GPM6A: variants seen among roughly 807,000 people sequenced by gnomAD.
GPM6A encodes the protein neuronal membrane glycoprotein M6-a.
In GPM6A, 7 loss-of-function variants were observed where a neutral mutation model predicts 32.1. That is an observed-to-expected ratio of 0.22 (90% CI 0.12 to 0.41). The LOEUF (loss-of-function observed/expected upper bound fraction) is 0.41. GPM6A is among the 10% of genes least tolerant of loss of function. The probability of loss-of-function intolerance (pLI) is 1.00; values close to 1 mark genes in which losing one functional copy is unlikely to be tolerated. For synonymous variants in GPM6A, 130 were observed against 123.4 expected (o/e 1.05, Z -0.35); for missense variants, 235 against 347.2 (o/e 0.68, Z 2.57).
chr4:175,974,589 T>A (rs1404126069), intron 1 of GPM6A, among the ~76,000 whole-genome samples: 1 of 151,840 alleles, frequency 6.6e-6, no homozygotes, highest in Non-Finnish European at 1.5e-5. Flanking sequence ...TCCAAGCTGC[T>A]AGGATAAAAT....
chr4:175,785,901 T>G (rs1733779799), intron 1 of GPM6A, among the ~76,000 whole-genome samples: 1 of 152,094 alleles, frequency 6.6e-6, no homozygotes, highest in Admixed American at 6.6e-5. Context: ...AATGGTTCTT[T>G]CCTTGTGTAG....
chr4:175,773,654 A>T (rs569181586), intron 1 of GPM6A, among the ~76,000 whole-genome samples: 3 of 152,184 alleles, frequency 2.0e-5, no homozygotes, highest in Admixed American at 2.0e-4. Flanking sequence ...AAATAACAGA[A>T]GCACAATTAT....
At chr4:175,799,190 C>T (rs1201795962) in intron 1 of GPM6A, among the ~76,000 whole-genome samples, 1 of 152,178 alleles carries the variant, frequency 6.6e-6, no homozygotes, top group Non-Finnish European at 1.5e-5. Flanking sequence ...TCACAATCTC[C>T]CTTTGCTCAT....
chr4:175,765,549 T>C (rs1292120874), intron 1 of GPM6A, among the ~76,000 whole-genome samples: 1 of 152,212 alleles, frequency 6.6e-6, no homozygotes, highest in East Asian at 1.9e-4. Context: ...AGTCTTCTCT[T>C]CTAAACATCG....
intron 1 of GPM6A, among the ~76,000 whole-genome samples, chr4:175,979,055 T>C: frequency 6.6e-6 from 1 of 152,152 alleles, no homozygotes; most frequent in East Asian, 1.9e-4. Flanking sequence ...TTCCTCAACT[T>C]CAGGCAAATG....
At chr4:175,715,856 A>C (rs993161271) in intron 1 of GPM6A, among the ~76,000 whole-genome samples, 2 of 152,080 alleles carry the variant, frequency 1.3e-5, no homozygotes, top group African/African-American at 4.8e-5. Flanking sequence ...ACCTGAGGTC[A>C]GGAGTTTGAG....
chr4:175,671,924 AGCT>A (rs1743096673), intron 3 of GPM6A, among the ~76,000 whole-genome samples: 1 of 125,528 alleles, frequency 8.0e-6, no homozygotes, highest in Admixed American at 8.4e-5. Context: ...CCCACGCAGC[AGCT>A]GCTGCCACCC....
At position 175,659,525 on chromosome 4, in the gene GPM6A, C is replaced by T. The variant is rs894320358; in HGVS notation, c.388-7538G>A. ...TTAAAAATAGTTAAGAGAAAAATAA[C>T]ATAACCAAAACTGGATTATTATGTT... is the stretch of plus-strand genomic sequence containing the variant. On this transcript the variant is annotated intron_variant, in intron 3 of 6. Coordinates refer to ENST00000393658, the MANE Select transcript of GPM6A (RefSeq NM_201591.3). 2.3e-4 allele frequency among the ~76,000 whole-genome samples: 35 copies of T among 151,958 alleles called. 1 individual carries two copies. Among genetic ancestry groups the T allele is most frequent in the Admixed American group, 2.3e-3 (35 of 15,258 alleles).
At chr4:175,648,272 G>C (rs2110908574) in intron 4 of GPM6A, among the ~76,000 whole-genome samples, 1 of 152,282 alleles carries the variant, frequency 6.6e-6, no homozygotes, top group East Asian at 1.9e-4. Flanking sequence ...TTGGTGGCCA[G>C]AGAGTAGACT....
chr4:175,812,190 C>G lies in GPM6A; in HGVS notation c.37+1G>C. 1 of 1,583,790 alleles carries G rather than the reference C, an allele frequency of 6.3e-7. No individual in the cohort carries two copies. Among genetic ancestry groups the G allele is most frequent in the Non-Finnish European group, 8.6e-7 (1 of 1,157,442 alleles). ...ACAAATAAACGCTTTTAGCACAGTA[C>G]CTTTTTGTGTCTGTCCCTCTTCCAT... On this transcript the variant is annotated splice_donor_variant, in intron 1 of 6. Transcript: ENST00000393658. LOFTEE classifies it high-confidence loss of function.
chr4:175,959,006 T>A (rs984930713), intron 1 of GPM6A, among the ~76,000 whole-genome samples: 6 of 152,106 alleles, frequency 3.9e-5, no homozygotes, highest in South Asian at 2.1e-4. Flanking sequence ...CAGGTTTTTT[T>A]AAAAAACAGT....
intron 1 of GPM6A, chr4:175,972,066 G>A (rs1033639746): frequency 2.0e-5 from 3 of 152,012 alleles, no homozygotes; most frequent in African/African-American, 7.3e-5. Flanking sequence ...ATTCTCCATG[G>A]TGCTACTATT....
At chr4:175,850,397 T>C (rs533604390) in intron 1 of GPM6A, among the ~76,000 whole-genome samples, 4 of 152,202 alleles carry the variant, frequency 2.6e-5, no homozygotes, top group Non-Finnish European at 5.9e-5. Flanking sequence ...ATCGTGGATG[T>C]GAGGGCAACG....
At chr4:175,734,757 C>A (rs1309687807) in intron 1 of GPM6A, among the ~76,000 whole-genome samples, 2 of 151,998 alleles carry the variant, frequency 1.3e-5, no homozygotes, top group African/African-American at 4.8e-5. Flanking sequence ...CCTGTAATCC[C>A]AGCTACTCGG....
chr4:175,920,837 T>C (rs1738642427), intron 1 of GPM6A, among the ~76,000 whole-genome samples: 1 of 138,320 alleles, frequency 7.2e-6, no homozygotes, highest in Admixed American at 6.9e-5. Flanking sequence ...CGAGAATCTG[T>C]CTCAAAAAAA....
chr4:175,785,983 C>G (rs1436098478), intron 1 of GPM6A, among the ~76,000 whole-genome samples: 1 of 151,408 alleles, frequency 6.6e-6, no homozygotes, highest in Admixed American at 6.6e-5. Flanking sequence ...ATAAACACTT[C>G]GATAGAGAAA....
chr4:175,799,671 C>CTTTTTCTTTTT (rs1553990618), intron 1 of GPM6A, among the ~76,000 whole-genome samples: 16 of 122,090 alleles, frequency 1.3e-4, no homozygotes, highest in Non-Finnish European at 2.4e-4. Context: ...CAAGTGTTTT[C>CTTTTTCTTTTT]TTTTTTTTTT....
At chr4:175,822,786 C>T (rs2111352145) in intron 1 of GPM6A, among the ~76,000 whole-genome samples, 1 of 152,082 alleles carries the variant, frequency 6.6e-6, no homozygotes, top group African/African-American at 2.4e-5. Context: ...GGCTTTAAGA[C>T]CTGCATGCAT....
intron 1 of GPM6A, among the ~76,000 whole-genome samples, chr4:175,963,004 A>T (rs1417629485): frequency 6.6e-6 from 1 of 152,198 alleles, no homozygotes; most frequent in African/African-American, 2.4e-5. Context: ...GCTAGAAATC[A>T]AAAACAGTGA....
Sources: gnomAD v4.1 joint callset for allele counts (sites outside exome capture counted in the v4.1 genomes callset) on GRCh38, gnomAD v4.1.1 for gene constraint, MANE v1.5 for transcripts, NCBI Gene and HGNC (gene_info 2026-07-23, HGNC 2026-07-21) for gene names.